RASSF9: variants seen among roughly 807,000 people sequenced by gnomAD.
RASSF9 encodes the protein ras association domain-containing protein 9.
A neutral mutation model predicts 21.4 loss-of-function variants in RASSF9; 18 were observed. The observed-to-expected ratio is 0.84, with a 90% confidence interval of 0.58 to 1.25. The LOEUF (loss-of-function observed/expected upper bound fraction) is 1.25. RASSF9 is among the 50% of genes most tolerant of loss of function. The pLI is 0.00. For missense variants in RASSF9, 480 were observed against 503.2 expected, an observed-to-expected ratio of 0.95 and a Z score of 0.44; for synonymous variants, 183 against 179.1, an observed-to-expected ratio of 1.02 and a Z score of -0.18.
intron 1 of RASSF9, among the ~76,000 whole-genome samples, chr12:85,832,230 A>G (rs1175027158): frequency 2.0e-5 from 3 of 151,916 alleles, no homozygotes; most frequent in Non-Finnish European, 4.4e-5. Context: ...CAAATCACCT[A>G]TGCAAACTAT....
At chr12:85,821,627 T>C (rs1428684350) in intron 1 of RASSF9, among the ~76,000 whole-genome samples, 3 of 151,996 alleles carry the variant, frequency 2.0e-5, no homozygotes, top group Non-Finnish European at 4.4e-5. Context: ...ATCTTGAAAA[T>C]TAAAATTTGA....
At chr12:85,835,901 A>G (rs1388993597) in intron 1 of RASSF9, among the ~76,000 whole-genome samples, 1 of 152,166 alleles carries the variant, frequency 6.6e-6, no homozygotes, top group Non-Finnish European at 1.5e-5. Context: ...AAGGAGTCAA[A>G]TATAATCACT....
chr12:85,805,618 G>A lies in RASSF9; in HGVS notation c.392C>T (p.Ala131Val), dbSNP rs1879810382. The change falls in exon 2 of 2, where the codon GCC becomes GTC. Residue 131 changes from alanine (A) to valine (V), a missense_variant. Physicochemically the swap from Ala to Val is moderately conservative, Grantham distance 64 (BLOSUM62 0). Coordinates refer to ENST00000361228, the MANE Select transcript of RASSF9 (RefSeq NM_005447.4). Reference protein sequence around the residue: ...LPVPLWRTAEAKLVQNTEKLW... With the variant: ...LPVPLWRTAEVKLVQNTEKLW... ...TTTTTCTGTGTTTTGCACTAATTTG[G>A]CTTCAGCTGTCCGCCACAAAGGAAC... 6.2e-7 allele frequency: 1 copy of A among 1,613,926 alleles called. No individual in the cohort carries two copies. The highest frequency in any genetic ancestry group is 8.5e-7 in the Non-Finnish European group (1 of 1,179,886).
At chr12:85,825,601 A>G (rs1410889640) in intron 1 of RASSF9, among the ~76,000 whole-genome samples, 1 of 152,152 alleles carries the variant, frequency 6.6e-6, no homozygotes, top group East Asian at 1.9e-4. Flanking sequence ...GGGAAAATAT[A>G]AAATATTTAT....
At chr12:85,835,448 T>C (rs1293889198) in intron 1 of RASSF9, among the ~76,000 whole-genome samples, 1 of 152,196 alleles carries the variant, frequency 6.6e-6, no homozygotes, top group Non-Finnish European at 1.5e-5. Context: ...ATTTATACTA[T>C]GGGCATTTCA....
chr12:85,805,387 T>C lies in RASSF9; in HGVS notation c.623A>G (p.Asp208Gly). 1 of 1,613,616 alleles carries C rather than the reference T, an allele frequency of 6.2e-7. No individual in the cohort carries two copies. Among genetic ancestry groups the C allele is most frequent in the South Asian group, 1.1e-5 (1 of 91,046 alleles). Residue 208 changes from aspartate (D) to glycine (G), a missense_variant, in exon 2 of 2, where the codon GAT (aspartate) becomes GGT (glycine). Physicochemically the swap from Asp to Gly is moderately conservative, Grantham distance 94. Transcript: ENST00000361228. ...AGCTTCACACTTTTCAATTTCCAGATCCAGCTCTTTCATTCTCTTGACTTG... is the reference window on the plus strand; with the variant it reads ...AGCTTCACACTTTTCAATTTCCAGACCCAGCTCTTTCATTCTCTTGACTTG... ...HQQVKRMKEL[D>G]LEIEKCEAKF...
At chr12:85,809,830 C>A (rs1879913244) in intron 1 of RASSF9, among the ~76,000 whole-genome samples, 1 of 151,892 alleles carries the variant, frequency 6.6e-6, no homozygotes. Context: ...CAGTTTTCAG[C>A]TCATATGGAA....
rs777109358 is a variant in RASSF9, at chr12:85,804,933, G to A, written c.1077C>T (p.Leu359=). 4 of 1,613,872 alleles carry A rather than the reference G, an allele frequency of 2.5e-6. No individual in the cohort carries two copies. The highest frequency in any genetic ancestry group is 3.4e-6 in the Non-Finnish European group (4 of 1,179,792). The part of the protein sequence containing the change: ...LLQMKAKEYE[L]LAKEFNSLHI... Reference sequence around the variant, plus strand: ...GAAGTGAATTGAATTCCTTGGCCAGGAGTTCATATTCTTTTGCTTTCATCT... The same window carrying A: ...GAAGTGAATTGAATTCCTTGGCCAGAAGTTCATATTCTTTTGCTTTCATCT... The change falls in exon 2 of 2, where the codon CTC becomes CTT. Residue 359 remains leucine (L), a synonymous_variant. Coordinates refer to ENST00000361228, the MANE Select transcript of RASSF9 (RefSeq NM_005447.4).
chr12:85,822,061 G>T (rs1471592765), intron 1 of RASSF9, among the ~76,000 whole-genome samples: 1 of 151,426 alleles, frequency 6.6e-6, no homozygotes. Context: ...GAAATATTTC[G>T]CAACAAAAAA....
At chr12:85,809,876 T>C (rs1016805763) in intron 1 of RASSF9, among the ~76,000 whole-genome samples, 6 of 151,954 alleles carry the variant, frequency 3.9e-5, no homozygotes, top group African/African-American at 1.2e-4. Flanking sequence ...TTGGTTCTGT[T>C]ACCTACTAAA....
At chr12:85,834,998 G>A (rs1309715482) in intron 1 of RASSF9, among the ~76,000 whole-genome samples, 1 of 151,884 alleles carries the variant, frequency 6.6e-6, no homozygotes, top group Non-Finnish European at 1.5e-5. Flanking sequence ...TATTTATTAA[G>A]GCCATTTACT....
At chr12:85,811,302 T>C (rs966911370) in intron 1 of RASSF9, among the ~76,000 whole-genome samples, 6 of 151,916 alleles carry the variant, frequency 3.9e-5, no homozygotes, top group Non-Finnish European at 7.4e-5. Flanking sequence ...TGAAGGCAGA[T>C]GATAAAATTG....
chr12:85,822,170 C>T (rs1444849669), intron 1 of RASSF9, among the ~76,000 whole-genome samples: 1 of 152,046 alleles, frequency 6.6e-6, no homozygotes, highest in Admixed American at 6.6e-5. Flanking sequence ...TTTTGACAGC[C>T]GAATCCACAT....
intron 1 of RASSF9, among the ~76,000 whole-genome samples, chr12:85,831,369 C>G (rs1213379229): frequency 1.3e-5 from 2 of 151,958 alleles, no homozygotes; most frequent in South Asian, 4.1e-4. Context: ...TACTTCTCGC[C>G]TTGACATGTG....
chr12:85,815,883 C>T (rs1381657370), intron 1 of RASSF9, among the ~76,000 whole-genome samples: 1 of 151,944 alleles, frequency 6.6e-6, no homozygotes, highest in African/African-American at 2.4e-5. Context: ...CAGCACTATT[C>T]ACAATAGCAA....
chr12:85,818,819 C>T (rs1592530527), intron 1 of RASSF9, among the ~76,000 whole-genome samples: 3 of 151,868 alleles, frequency 2.0e-5, no homozygotes, highest in South Asian at 4.2e-4. Context: ...ATTAGCCGGG[C>T]GTGGTGGCGG....
intron 1 of RASSF9, among the ~76,000 whole-genome samples, chr12:85,813,318 G>A (rs953873542): frequency 2.6e-4 from 40 of 151,818 alleles, no homozygotes; most frequent in African/African-American, 9.4e-4. Context: ...TTGATAATTA[G>A]CATTAATAAC....
chr12:85,812,674 A>G lies in RASSF9; in HGVS notation c.48-6712T>C, dbSNP rs575764037. 1.3e-4 allele frequency among the ~76,000 whole-genome samples: 20 copies of G among 151,680 alleles called. 1 individual carries two copies. Among genetic ancestry groups the G allele is most frequent in the Admixed American group, 3.3e-4 (5 of 15,188 alleles). On this transcript the variant is annotated intron_variant, in intron 1 of 1. Coordinates refer to ENST00000361228, the MANE Select transcript of RASSF9 (RefSeq NM_005447.4). ...TTCTGCAAATAAAAATAAGAGTAAT[A>G]GAACTGGAAAATTGTGGAAAATATA...
chr12:85,805,432 T>C lies in RASSF9; in HGVS notation c.578A>G (p.Gln193Arg). The change falls in exon 2 of 2, where the codon CAG (glutamine) becomes CGG (arginine). Residue 193 changes from glutamine (Q) to arginine (R), a missense_variant. By Grantham distance (43) the Gln-to-Arg change is conservative. Transcript: ENST00000361228. ...METLVHLIIS[Q>R]DHTIHQQVKR... The stretch of plus-strand genomic sequence containing the variant: ...GACTTGCTGATGAATAGTATGGTCC[T>C]GGGAAATGATCAGATGAACTAATGT... The C allele has an allele frequency of 6.2e-7, 1 of 1,613,974 alleles. No homozygotes were observed.
Sources: allele counts gnomAD v4.1 joint callset (sites outside exome capture counted in the v4.1 genomes callset), GRCh38; gene constraint gnomAD v4.1.1; transcripts MANE v1.5; gene names NCBI Gene and HGNC (gene_info 2026-07-23, HGNC 2026-07-21).